ROBO1: variants seen among roughly 807,000 people sequenced by gnomAD.
ROBO1 encodes the protein roundabout homolog 1.
Under a neutral mutation model 195.9 loss-of-function variants are expected in ROBO1, and 149 were observed. The ratio of observed to expected loss-of-function variants is 0.76; its 90% CI spans 0.67 to 0.87. The LOEUF (loss-of-function observed/expected upper bound fraction) is 0.87. Ranked by LOEUF, ROBO1 falls within the 40% of genes least tolerant of loss-of-function variation. The probability of loss-of-function intolerance (pLI) is 0.00; values close to 1 mark genes in which losing one functional copy is unlikely to be tolerated. For missense variants in ROBO1, 1,933 were observed against 2,068.3 expected (o/e 0.93, Z 1.27); for synonymous variants, 816 against 733.2 (o/e 1.11, Z -1.82).
At chr3:79,745,593 T>C (rs1288775742) in intron 1 of ROBO1, among the ~76,000 whole-genome samples, 1 of 152,168 alleles carries the variant, frequency 6.6e-6, no homozygotes, top group African/African-American at 2.4e-5. Context: ...ATTAGCCTTT[T>C]TTCTTTATTT....
At chr3:79,355,616 A>G (rs1175077065) in intron 2 of ROBO1, among the ~76,000 whole-genome samples, 4 of 152,094 alleles carry the variant, frequency 2.6e-5, no homozygotes, top group Admixed American at 6.6e-5. Context: ...CTCTAATTCT[A>G]TCAGAACAAC....
chr3:78,709,117 T>C (rs1004434685), intron 8 of ROBO1, among the ~76,000 whole-genome samples: 15 of 152,180 alleles, frequency 9.9e-5, no homozygotes, highest in Non-Finnish European at 1.9e-4. Flanking sequence ...CATGTATAGG[T>C]AATGAAACTT....
chr3:79,542,950 A>G (rs2107647153), intron 2 of ROBO1, among the ~76,000 whole-genome samples: 1 of 152,232 alleles, frequency 6.6e-6, no homozygotes, highest in South Asian at 2.1e-4. Flanking sequence ...TCACAAGAAT[A>G]TCACATTTTA....
At chr3:79,318,468 A>G (rs557652125) in intron 2 of ROBO1, among the ~76,000 whole-genome samples, 49 of 152,288 alleles carry the variant, frequency 3.2e-4, no homozygotes, top group Non-Finnish European at 4.9e-4. Flanking sequence ...ATACAGCTAG[A>G]TTTTAGGTCC....
intron 2 of ROBO1, among the ~76,000 whole-genome samples, chr3:79,456,990 C>G (rs2039638346): frequency 6.6e-6 from 1 of 152,166 alleles, no homozygotes; most frequent in South Asian, 2.1e-4. Flanking sequence ...TCAAGACCTA[C>G]AAATAACAGC....
rs1393756039 is a variant in ROBO1 at position 78,991,780 on chromosome 3, A to T, written c.173-52853T>A. ...TATTCCATAGGAAGGATTATCAGAC[A>T]TACGAGAAAAAGCAGCAGGATGAGA... On this transcript the variant is annotated intron_variant, in intron 3 of 30. Coordinates refer to ENST00000464233, the MANE Select transcript of ROBO1 (RefSeq NM_002941.4). Among the ~76,000 whole-genome samples, 5 of 152,188 alleles carry T rather than the reference A, an allele frequency of 3.3e-5. No individual in the cohort carries two copies. The East Asian group carries it at 9.6e-4, about 29-fold the overall frequency.
chr3:78,707,323 C>T (rs1215305290), intron 8 of ROBO1, among the ~76,000 whole-genome samples: 4 of 152,116 alleles, frequency 2.6e-5, no homozygotes, highest in Non-Finnish European at 4.4e-5. Context: ...CAGTCTCATA[C>T]ACTAAGGCTC....
intron 2 of ROBO1, among the ~76,000 whole-genome samples, chr3:79,190,278 T>G (rs2081514364): frequency 6.6e-6 from 1 of 151,670 alleles, no homozygotes; most frequent in Admixed American, 6.6e-5. Flanking sequence ...TAGGAGAACT[T>G]TCTGTGTTGG....
chr3:79,691,145 T>A (rs1194284299), intron 1 of ROBO1, among the ~76,000 whole-genome samples: 1 of 151,894 alleles, frequency 6.6e-6, no homozygotes. Context: ...CTGTATTTTA[T>A]AACATTTTTG....
At chr3:79,005,507 CA>C (rs1160679582) in intron 3 of ROBO1, among the ~76,000 whole-genome samples, 1 of 151,912 alleles carries the variant, frequency 6.6e-6, no homozygotes, top group Non-Finnish European at 1.5e-5. Flanking sequence ...TTAAATTTTG[CA>C]AAAAATAACC....
intron 2 of ROBO1, among the ~76,000 whole-genome samples, chr3:79,192,359 A>G (rs2081555677): frequency 6.6e-6 from 1 of 151,696 alleles, no homozygotes; most frequent in African/African-American, 2.4e-5. Context: ...CACTGATACT[A>G]CATTCTACAG....
chr3:79,576,199 T>C (rs1943480947), intron 2 of ROBO1, among the ~76,000 whole-genome samples: 1 of 152,114 alleles, frequency 6.6e-6, no homozygotes, highest in South Asian at 2.1e-4. Context: ...ATTATATTTA[T>C]ATTCATTAAC....
chr3:79,320,358 T>TCA (rs1237859261), intron 2 of ROBO1, among the ~76,000 whole-genome samples: 1 of 152,170 alleles, frequency 6.6e-6, no homozygotes, highest in Non-Finnish European at 1.5e-5. Context: ...TTTCAGGGTC[T>TCA]CATTCTGTCA....
intron 4 of ROBO1, among the ~76,000 whole-genome samples, chr3:78,883,360 C>T (rs925232053): frequency 6.6e-6 from 1 of 151,990 alleles, no homozygotes; most frequent in Non-Finnish European, 1.5e-5. Context: ...CCTGACTACA[C>T]CTGTTTGTCT....
chr3:78,693,505 C>T, intron 8 of ROBO1: 3 of 582,138 alleles, frequency 5.2e-6, no homozygotes, highest in Non-Finnish European at 9.0e-6. Context: ...TCACACTGTA[C>T]ATGGATGAAT....
At chr3:79,243,973 T>C (rs2082572739) in intron 2 of ROBO1, among the ~76,000 whole-genome samples, 1 of 152,174 alleles carries the variant, frequency 6.6e-6, no homozygotes, top group Non-Finnish European at 1.5e-5. Flanking sequence ...GGTCTAACAT[T>C]TAAGTCTTTA....
At chr3:78,895,802 A>T (rs2037191848) in intron 4 of ROBO1, among the ~76,000 whole-genome samples, 1 of 152,200 alleles carries the variant, frequency 6.6e-6, no homozygotes, top group African/African-American at 2.4e-5. Flanking sequence ...CACACATTTT[A>T]AAACAAAAAT....
chr3:78,892,139 C>G (rs1468619362), intron 4 of ROBO1, among the ~76,000 whole-genome samples: 2 of 152,168 alleles, frequency 1.3e-5, no homozygotes, highest in Non-Finnish European at 2.9e-5. Flanking sequence ...GCAGGCAGAT[C>G]GCTTGAGCTC....
chr3:78,903,731 C>T (rs1372189146), intron 4 of ROBO1, among the ~76,000 whole-genome samples: 1 of 151,904 alleles, frequency 6.6e-6, no homozygotes, highest in African/African-American at 2.4e-5. Context: ...CTTACTATAC[C>T]AATATCATGG....
Sources: allele counts gnomAD v4.1 joint callset (sites outside exome capture counted in the v4.1 genomes callset), GRCh38; gene constraint gnomAD v4.1.1; transcripts MANE v1.5; gene names NCBI Gene and HGNC (gene_info 2026-07-23, HGNC 2026-07-21).